The following MACROD2 variants were observed in gnomAD, a reference collection of about 807,000 sequenced individuals.
MACROD2 encodes mono-ADP ribosylhydrolase 2, also known as ADP-ribose glycohydrolase MACROD2.
In MACROD2, 36 loss-of-function variants were observed where a neutral mutation model predicts 70.4. The ratio of observed to expected loss-of-function variants is 0.51; its 90% confidence interval spans 0.39 to 0.68. MACROD2 has a LOEUF of 0.68. Ranked by LOEUF, MACROD2 falls within the 30% of genes least tolerant of loss-of-function variation. The pLI is 0.00. For missense variants in MACROD2, 496 were observed against 538.4 expected (o/e 0.92, Z 0.78); for synonymous variants, 172 against 178.8 (o/e 0.96, Z 0.30).
At chr20:15,633,329 G>A (rs1600693764) in intron 8 of MACROD2, among the ~76,000 whole-genome samples, 2 of 152,146 alleles carry the variant, frequency 1.3e-5, no homozygotes, top group East Asian at 3.8e-4. Flanking sequence ...CTTACAGTAA[G>A]CACTATAAGT....
At chr20:15,472,316 T>A (rs922173368) in intron 7 of MACROD2, among the ~76,000 whole-genome samples, 10 of 152,180 alleles carry the variant, frequency 6.6e-5, no homozygotes, top group Non-Finnish European at 4.4e-5. Context: ...TCCTAGCTAA[T>A]CTTCTTCCTT....
intron 6 of MACROD2, among the ~76,000 whole-genome samples, chr20:15,253,834 C>A (rs891575270): frequency 2.6e-4 from 39 of 152,300 alleles, no homozygotes; most frequent in African/African-American, 9.4e-4. Context: ...TCAAATTCTG[C>A]AGTCACCGAA....
chr20:15,675,190 T>C (rs2050039857), intron 8 of MACROD2, among the ~76,000 whole-genome samples: 1 of 152,230 alleles, frequency 6.6e-6, no homozygotes, highest in African/African-American at 2.4e-5. Context: ...TTTTTGCCAA[T>C]AAATTAGGAA....
At chr20:14,841,973 G>A (rs1461180040) in intron 5 of MACROD2, among the ~76,000 whole-genome samples, 6 of 151,956 alleles carry the variant, frequency 3.9e-5, no homozygotes, top group Admixed American at 6.6e-5. Context: ...TTCTGCTGCT[G>A]TATAACAGAA....
intron 6 of MACROD2, among the ~76,000 whole-genome samples, chr20:15,332,125 T>A (rs8121132): frequency 0.45 from 67,857 of 150,944 alleles, 15,723 homozygotes; most frequent in Non-Finnish European, 0.47. Context: ...GAACTGATAG[T>A]GTGGGCTCTC....
intron 8 of MACROD2, among the ~76,000 whole-genome samples, chr20:15,642,307 C>T (rs753690943): frequency 2.8e-4 from 43 of 152,120 alleles, no homozygotes; most frequent in Non-Finnish European, 5.3e-4. Context: ...CATACAGGAA[C>T]GCTTGAACAA....
At chr20:15,208,627 C>T (rs965501886) in intron 5 of MACROD2, among the ~76,000 whole-genome samples, 1 of 152,166 alleles carries the variant, frequency 6.6e-6, no homozygotes, top group Non-Finnish European at 1.5e-5. Flanking sequence ...GGTCCAGTTC[C>T]TCTTTCGGCT....
At chr20:15,315,798 T>G (rs961581618) in intron 6 of MACROD2, among the ~76,000 whole-genome samples, 20 of 152,194 alleles carry the variant, frequency 1.3e-4, no homozygotes, top group African/African-American at 4.6e-4. Context: ...AGTATTATTT[T>G]ATCTTTGGTT....
intron 16 of MACROD2, 39 bp downstream of exon 16, chr20:16,041,317 A>G (rs764880853): frequency 1.3e-5 from 19 of 1,515,078 alleles, no homozygotes; most frequent in Non-Finnish European, 1.6e-5. Context: ...GAAACTACAA[A>G]TCTGGCATAT....
intron 7 of MACROD2, among the ~76,000 whole-genome samples, chr20:15,472,906 T>G (rs1428003660): frequency 6.6e-6 from 1 of 152,194 alleles, no homozygotes; most frequent in Admixed American, 6.5e-5. Flanking sequence ...ATAAATACAT[T>G]TCTTCCAGGA....
intron 8 of MACROD2, among the ~76,000 whole-genome samples, chr20:15,847,592 C>T (rs1010146561): frequency 1.3e-5 from 2 of 152,058 alleles, no homozygotes; most frequent in Non-Finnish European, 2.9e-5. Flanking sequence ...GGAGCAGAAT[C>T]GAGTTTAGAA....
chr20:15,955,798 G>A (rs2065968507), intron 12 of MACROD2, among the ~76,000 whole-genome samples: 1 of 152,044 alleles, frequency 6.6e-6, no homozygotes, highest in Admixed American at 6.6e-5. Context: ...GCAAAATGTA[G>A]TCAACATAAA....
At position 14,326,096 on chromosome 20, in the gene MACROD2, G is replaced by C. The variant is rs377243199; in HGVS notation, c.272-167383G>C. 6.8e-6 allele frequency: 11 copies of C among 1,613,764 alleles called. No homozygotes were observed. The highest frequency in any genetic ancestry group is 1.7e-5 in the Admixed American group (1 of 59,964). On this transcript the variant is annotated intron_variant, in intron 3 of 17. Transcript: ENST00000684519. The surrounding 1 kb of genome is among the most constrained non-coding windows in gnomAD (Gnocchi z 5.5). ...ATGCATACTTTATAGGGTGAATCAG[G>C]CTCCAGGGCTGTGACCAAGTACTCA...
intron 5 of MACROD2, among the ~76,000 whole-genome samples, chr20:14,786,069 C>T (rs888237296): frequency 2.0e-5 from 3 of 152,044 alleles, no homozygotes; most frequent in African/African-American, 7.3e-5. Context: ...CACAGACATA[C>T]ACAATATTGC....
At chr20:14,651,301 G>T (rs1008585519) in intron 4 of MACROD2, among the ~76,000 whole-genome samples, 5 of 152,028 alleles carry the variant, frequency 3.3e-5, no homozygotes, top group African/African-American at 1.2e-4. Context: ...AGTTCAACAG[G>T]TCAAGAAGAT....
rs73092192 is a variant in MACROD2, at chr20:14,935,758, C to A, written c.418+250799C>A. ...ATTGAAGGGAGCACGTTAAATCCTTCCAGTCTTCTAGTGCAAAAATGTTCT... is the reference window on the plus strand; with the variant it reads ...ATTGAAGGGAGCACGTTAAATCCTTACAGTCTTCTAGTGCAAAAATGTTCT... On this transcript the variant is annotated intron_variant, in intron 5 of 17. Transcript: ENST00000684519. Among the ~76,000 whole-genome samples the A allele has an allele frequency of 7.5e-3, 1,141 of 152,266 alleles. 5 individuals are homozygous for A. Among genetic ancestry groups the A allele is most frequent in the Non-Finnish European group, 0.011 (776 of 68,018 alleles).
At chr20:14,623,793 A>G (rs1236893994) in intron 4 of MACROD2, among the ~76,000 whole-genome samples, 2 of 152,210 alleles carry the variant, frequency 1.3e-5, no homozygotes, top group Admixed American at 6.5e-5. Context: ...GGTGATGAGC[A>G]TAAGTCTGGC....
intron 5 of MACROD2, among the ~76,000 whole-genome samples, chr20:14,699,706 A>T (rs776534043): frequency 6.6e-6 from 1 of 152,218 alleles, no homozygotes; most frequent in Non-Finnish European, 1.5e-5. Context: ...TTTAATACCT[A>T]TGTGAAAACT....
chr20:15,310,593 A>G (rs1005499412), intron 6 of MACROD2, among the ~76,000 whole-genome samples: 7 of 152,324 alleles, frequency 4.6e-5, no homozygotes, highest in Admixed American at 4.6e-4. Context: ...AGGAAGTGTT[A>G]ATCAGCATTC....
Sources: gnomAD v4.1 joint callset for allele counts (sites outside exome capture counted in the v4.1 genomes callset) on GRCh38, gnomAD v4.1.1 for gene constraint, Gnocchi (gnomAD v3.1) non-coding constraint, MANE v1.5 for transcripts, NCBI Gene and HGNC (gene_info 2026-07-23, HGNC 2026-07-21) for gene names.